The following LAYN variants were observed in gnomAD, a reference collection of about 807,000 sequenced individuals.
LAYN encodes layilin.
LAYN carries 38 observed loss-of-function variants against 43.6 expected under a neutral mutation model. The observed-to-expected ratio is 0.87, with a 90% confidence interval of 0.67 to 1.14. The LOEUF is 1.14. LAYN is among the 50% of genes most tolerant of loss of function. The probability of loss-of-function intolerance (pLI) is 0.00; values close to 1 mark genes in which losing one functional copy is unlikely to be tolerated. For missense variants in LAYN, 479 were observed against 463.8 expected (o/e 1.03, Z -0.30); for synonymous variants, 168 against 172.9 (o/e 0.97, Z 0.22).
chr11:111,558,998 C>G (rs1046705331), intron 6 of LAYN, among the ~76,000 whole-genome samples: 1 of 151,862 alleles, frequency 6.6e-6, no homozygotes, highest in Non-Finnish European at 1.5e-5. Context: ...GTTGGCCAGG[C>G]TGGTCTCGAA....
intron 2 of LAYN, among the ~76,000 whole-genome samples, chr11:111,545,055 A>AATATATATATATATATATATATAT (rs36063658): frequency 1.2e-5 from 1 of 82,462 alleles, no homozygotes; most frequent in African/African-American, 3.2e-5. Context: ...AAATTTAACA[A>AATATATATATATATATATATATAT]ATATATATAT....
intron 3 of LAYN, 152 bp from the exon 4 acceptor site, chr11:111,554,409 C>CT: frequency 1.6e-6 from 1 of 637,974 alleles, no homozygotes; most frequent in African/African-American, 1.9e-5. Context: ...TTTTGATTTA[C>CT]TAGCCCAGTT....
intron 6 of LAYN, among the ~76,000 whole-genome samples, chr11:111,557,872 T>G (rs1867874683): frequency 6.6e-6 from 1 of 152,166 alleles, no homozygotes; most frequent in Non-Finnish European, 1.5e-5. Flanking sequence ...CGTGGAAGAT[T>G]TTAAAACAAC....
intron 6 of LAYN, 65 bp from the exon 7 acceptor site, chr11:111,560,030 G>A (rs1867923785): frequency 5.3e-6 from 8 of 1,518,636 alleles, no homozygotes; most frequent in Non-Finnish European, 6.2e-6. Flanking sequence ...GTCTCAACAG[G>A]AAGCACAAGG....
chr11:111,560,587 G>A lies in LAYN; in HGVS notation c.*129G>A, dbSNP rs1016329140. On this transcript the variant is annotated 3_prime_UTR_variant, in exon 7 of 7. Transcript: ENST00000375614. ...GATCAGGTCCTGTGGATGAGCATGT[G>A]GTCCCCACGACCTCCTGTTGGACCC... is the stretch of plus-strand genomic sequence containing the variant. 9.5e-6 allele frequency: 10 copies of A among 1,052,160 alleles called. No individual in the cohort carries two copies. The highest frequency in any genetic ancestry group is 1.3e-5 in the Non-Finnish European group (10 of 741,130). The allele number at this position is 1,052,160 out of a possible 1,614,324, so 65.2% of individuals were successfully genotyped here.
chr11:111,560,921 T>C lies in LAYN; in HGVS notation c.*463T>C, dbSNP rs1867945449. ...GTGCATCGGCAATTCTCATATCTGT[T>C]TTTTTCAAAGAATAATAAAATCAAA... On this transcript the variant is annotated 3_prime_UTR_variant, in exon 7 of 7. Transcript: ENST00000375614. The C allele has an allele frequency of 3.4e-5, 1 of 29,064 alleles. No individual in the cohort carries two copies. The highest frequency in any genetic ancestry group is 9.8e-5 in the Non-Finnish European group (1 of 10,184). The allele number at this position is 29,064 out of a possible 1,614,324, so 1.8% of individuals were successfully genotyped here.
chr11:111,548,533 T>C (rs1867686048), intron 2 of LAYN, among the ~76,000 whole-genome samples: 1 of 152,202 alleles, frequency 6.6e-6, no homozygotes, highest in African/African-American at 2.4e-5. Flanking sequence ...TGTCCAGTCA[T>C]AGTATCCAAG....
At chr11:111,540,651 C>T (rs1017138041), upstream of LAYN, 5 of 544,738 alleles carry the variant, frequency 9.2e-6, no homozygotes, top group East Asian at 1.4e-4. Flanking sequence ...CGGGGCTGCC[C>T]TCCTCGCAGT....
chr11:111,548,891 T>C (rs1003047753), intron 2 of LAYN, among the ~76,000 whole-genome samples: 28 of 152,198 alleles, frequency 1.8e-4, no homozygotes, highest in African/African-American at 6.5e-4. Flanking sequence ...GGCACCCACA[T>C]ATCCAACTGG....
chr11:111,559,452 T>A (rs1443937822), intron 6 of LAYN, among the ~76,000 whole-genome samples: 1 of 151,474 alleles, frequency 6.6e-6, no homozygotes, highest in South Asian at 2.1e-4. Context: ...TTATTTTATT[T>A]TATTATTTTA....
intron 3 of LAYN, among the ~76,000 whole-genome samples, chr11:111,554,204 T>A (rs2135801275): frequency 6.6e-6 from 1 of 152,322 alleles, no homozygotes; most frequent in African/African-American, 2.4e-5. Context: ...GTAGGGATTA[T>A]TGTTGAAACT....
rs1347846042 is a variant in LAYN, at chr11:111,561,725, T to C, written c.*1267T>C. ...TAGCTCAGCAACTTTGCTTCACATA[T>C]GGAGCCCCAACCTCTAGAGTTAACT... On this transcript the variant is annotated 3_prime_UTR_variant, in exon 7 of 7. Transcript: ENST00000375614. 1 of 152,206 alleles carries C rather than the reference T, an allele frequency of 6.6e-6. No homozygotes were observed. The highest frequency in any genetic ancestry group is 1.5e-5 in the Non-Finnish European group (1 of 68,032). 9.4% of individuals were successfully genotyped at this position (152,206 alleles called of 1,614,324 possible). A position where few individuals can be genotyped will look rare whatever the true frequency, so the allele number is the denominator to read the frequency against.
intron 1 of LAYN, among the ~76,000 whole-genome samples, chr11:111,542,965 G>T (rs1374534361): frequency 6.6e-6 from 1 of 152,196 alleles, no homozygotes; most frequent in Non-Finnish European, 1.5e-5. Context: ...TACTGTGAGC[G>T]ATTTGTTATT....
intron 2 of LAYN, among the ~76,000 whole-genome samples, chr11:111,545,588 C>T (rs1276016551): frequency 6.6e-6 from 1 of 152,194 alleles, no homozygotes; most frequent in African/African-American, 2.4e-5. Flanking sequence ...TTTTTCTCTG[C>T]TGGTCCCTGG....
intron 6 of LAYN, among the ~76,000 whole-genome samples, chr11:111,559,270 G>A (rs1383289881): frequency 6.6e-6 from 1 of 151,708 alleles, no homozygotes; most frequent in Non-Finnish European, 1.5e-5. Flanking sequence ...GTAGAGATGA[G>A]GTTAAAATAT....
chr11:111,541,195 G>A (rs1867530493), intron 1 of LAYN: 1 of 592,416 alleles, frequency 1.7e-6, no homozygotes, highest in South Asian at 2.0e-5. Context: ...GGGTGGGTTG[G>A]AGAATGTAGG....
In LAYN at chr11:111,540,791, C is replaced by G; in HGVS notation, c.-53C>G. 13 of 1,490,046 alleles carry G rather than the reference C, an allele frequency of 8.7e-6. No homozygotes were observed. The South Asian group carries it at 1.6e-4, about 19-fold the overall frequency. 92.3% of individuals were successfully genotyped at this position (1,490,046 alleles called of 1,614,324 possible). A position where few individuals can be genotyped will look rare whatever the true frequency, so the allele number is the denominator to read the frequency against. ...TGTCGCGCACGCCTCTGCCCGCCAG[C>G]CCGCTCCACCGCCGTAGCGCCCGAG... is the stretch of plus-strand genomic sequence containing the variant. On this transcript the variant is annotated 5_prime_UTR_variant, in exon 1 of 7. Coordinates refer to ENST00000375614, the MANE Select transcript of LAYN (RefSeq NM_178834.5).
chr11:111,544,956 A>G (rs936760291), intron 2 of LAYN, among the ~76,000 whole-genome samples: 1 of 151,986 alleles, frequency 6.6e-6, no homozygotes, highest in African/African-American at 2.4e-5. Context: ...CTAATGGTAA[A>G]CAATCATATG....
chr11:111,554,809 A>G (rs1030223754), intron 4 of LAYN, among the ~76,000 whole-genome samples: 1 of 152,234 alleles, frequency 6.6e-6, no homozygotes, highest in Non-Finnish European at 1.5e-5. Flanking sequence ...CAACAGTTAC[A>G]AATTTTGTTT....
Sources: gnomAD v4.1 joint callset for allele counts (sites outside exome capture counted in the v4.1 genomes callset) on GRCh38, gnomAD v4.1.1 for gene constraint, MANE v1.5 for transcripts, NCBI Gene and HGNC (gene_info 2026-07-23, HGNC 2026-07-21) for gene names.